LOC128092252: variants seen among roughly 807,000 people sequenced by gnomAD.
At chr15:50,681,264 T>TACACACACACACACACACAC in the LOC128092252 span, among the ~76,000 whole-genome samples, 1,818 of 146,954 alleles carry the variant, frequency 0.012, 25 homozygotes, top group Middle Eastern at 0.042. Context: ...AATAAATAAA[T>TACACACACACACACACACAC]ACACACACAC....
At chr15:50,667,463 T>C in the LOC128092252 span, among the ~76,000 whole-genome samples, 4 of 152,194 alleles carry the variant, frequency 2.6e-5, no homozygotes, top group Non-Finnish European at 4.4e-5. Context: ...CCCAGCACTT[T>C]GGGAGGCCAA....
chr15:50,656,544 C>T, the LOC128092252 span, among the ~76,000 whole-genome samples: 4,269 of 150,472 alleles, frequency 0.028, 228 homozygotes, highest in African/African-American at 0.1. Context: ...CTATGCTACC[C>T]GGGCTGGTCT....
At chr15:50,659,249 A>T in the LOC128092252 span, among the ~76,000 whole-genome samples, 1 of 152,086 alleles carries the variant, frequency 6.6e-6, no homozygotes, top group South Asian at 2.1e-4. Context: ...TTACAGTCAC[A>T]GTGGGCTACA....
chr15:50,679,094 G>C, the LOC128092252 span, among the ~76,000 whole-genome samples: 2 of 136,248 alleles, frequency 1.5e-5, no homozygotes. Context: ...GGATGGTCTC[G>C]ATCTCTTGAC....
the LOC128092252 span, among the ~76,000 whole-genome samples, chr15:50,651,963 A>C: frequency 5.3e-5 from 8 of 152,080 alleles, no homozygotes; most frequent in Non-Finnish European, 1.0e-4. Context: ...TTAAAAAATA[A>C]CCTAAACTTC....
At chr15:50,680,165 C>G in the LOC128092252 span, among the ~76,000 whole-genome samples, 27,576 of 151,936 alleles carry the variant, frequency 0.18, 3,236 homozygotes, top group East Asian at 0.46. Flanking sequence ...ACCCGGGAGG[C>G]AGAGGCTGCA....
At chr15:50,684,436 T>C in the LOC128092252 span, among the ~76,000 whole-genome samples, 1 of 150,548 alleles carries the variant, frequency 6.6e-6, no homozygotes, top group Non-Finnish European at 1.5e-5. Flanking sequence ...ACATCAGGAG[T>C]TCAAGACCAC....
the LOC128092252 span, among the ~76,000 whole-genome samples, chr15:50,650,825 C>T: frequency 2.0e-4 from 30 of 152,262 alleles, no homozygotes; most frequent in African/African-American, 7.0e-4. Context: ...GTCTAAAACT[C>T]GCTAGTGGAA....
chr15:50,659,328 T>A, the LOC128092252 span, among the ~76,000 whole-genome samples: 1 of 152,184 alleles, frequency 6.6e-6, no homozygotes, highest in Non-Finnish European at 1.5e-5. Flanking sequence ...TCTAACTTTC[T>A]GGAAGACATT....
chr15:50,653,606 G>A, the LOC128092252 span, among the ~76,000 whole-genome samples: 1 of 152,142 alleles, frequency 6.6e-6, no homozygotes, highest in Non-Finnish European at 1.5e-5. Flanking sequence ...GCACCAGCTT[G>A]GGGGCAATTT....
the LOC128092252 span, among the ~76,000 whole-genome samples, chr15:50,652,525 CAAA>C: frequency 1.0e-4 from 13 of 128,072 alleles, no homozygotes; most frequent in African/African-American, 1.5e-4. Context: ...GACTCTGTCT[CAAA>C]AAAAAAAAAA....
At chr15:50,683,015 T>TG in the LOC128092252 span, among the ~76,000 whole-genome samples, 291 of 152,032 alleles carry the variant, frequency 1.9e-3, no homozygotes, top group Non-Finnish European at 3.7e-3. Context: ...CCCAAGTAGC[T>TG]GGGACCACAG....
the LOC128092252 span, among the ~76,000 whole-genome samples, chr15:50,679,178 A>T: frequency 1.5e-5 from 2 of 135,118 alleles, no homozygotes; most frequent in Non-Finnish European, 3.2e-5. Context: ...AGTCAAAAAA[A>T]TTTTTTAATT....
chr15:50,685,284 T>C, the LOC128092252 span, among the ~76,000 whole-genome samples: 2 of 152,100 alleles, frequency 1.3e-5, no homozygotes, highest in Admixed American at 1.3e-4. Context: ...CCAAACATGG[T>C]GAAACCCCGT....
chr15:50,649,003 G>A, the LOC128092252 span: 4 of 657,050 alleles, frequency 6.1e-6, no homozygotes, highest in African/African-American at 5.6e-5. Flanking sequence ...TTTTATATAA[G>A]TATAAAAATA....
At chr15:50,670,259 G>C in the LOC128092252 span, among the ~76,000 whole-genome samples, 1 of 152,128 alleles carries the variant, frequency 6.6e-6, no homozygotes, top group African/African-American at 2.4e-5. Flanking sequence ...CGTCAGAGGT[G>C]TTTAAACCAG....
At chr15:50,667,444 G>A in the LOC128092252 span, among the ~76,000 whole-genome samples, 5 of 152,190 alleles carry the variant, frequency 3.3e-5, no homozygotes, top group Admixed American at 6.5e-5. Context: ...AGTGGTTCAC[G>A]CCTGTAATCC....
chr15:50,675,270 G>A, the LOC128092252 span, among the ~76,000 whole-genome samples: 1 of 151,370 alleles, frequency 6.6e-6, no homozygotes, highest in African/African-American at 2.4e-5. Context: ...CTGAACCCAG[G>A]ACACAGAGGT....
chr15:50,672,867 C>T, the LOC128092252 span, among the ~76,000 whole-genome samples: 1 of 128,452 alleles, frequency 7.8e-6, no homozygotes, highest in South Asian at 2.4e-4. Context: ...CCACTGCACT[C>T]CAGCCAGGGT....
Sources: gnomAD v4.1 joint callset for allele counts (sites outside exome capture counted in the v4.1 genomes callset) on GRCh38, gnomAD v4.1.1 for gene constraint, MANE v1.5 for transcripts.